The following TRMT1 variants were observed in gnomAD, a reference collection of about 807,000 sequenced individuals.
TRMT1 encodes tRNA (guanine(26)-N(2))-dimethyltransferase.
A neutral mutation model predicts 75.4 loss-of-function variants in TRMT1; 63 were observed. The ratio of observed to expected loss-of-function variants is 0.84; its 90% CI spans 0.68 to 1.03. The LOEUF is 1.03. Ranked by LOEUF, TRMT1 falls within the 50% of genes least tolerant of loss-of-function variation. The pLI is 0.00. For synonymous variants in TRMT1, 382 were observed against 358.1 expected (o/e 1.07, Z -0.75); for missense variants, 870 against 905.3 (o/e 0.96, Z 0.50).
chr19:13,109,501 T>C (rs2019037861), intron 11 of TRMT1, 35 bp from the exon 12 acceptor site: 1 of 1,613,844 alleles, frequency 6.2e-7, no homozygotes, highest in Admixed American at 1.7e-5. Flanking sequence ...TGAGTGGAGA[T>C]GGACGGGCAC....
intron 7 of TRMT1, among the ~76,000 whole-genome samples, chr19:13,111,118 A>C (rs78159064): frequency 0.034 from 5,153 of 152,224 alleles, 257 homozygotes; most frequent in African/African-American, 0.12. Flanking sequence ...ATCAAAGCTC[A>C]CAATAACTTT....
chr19:13,112,808 C>G lies in TRMT1; in HGVS notation c.767G>C (p.Cys256Ser). The change falls in exon 7 of 17, where the codon TGT becomes TCT. Residue 256 changes from cysteine (C) to serine (S), a missense_variant. Cys to Ser is a moderately radical substitution (Grantham distance 112). Coordinates refer to ENST00000357720, the MANE Select transcript of TRMT1 (RefSeq NM_001136035.4). ...CACCGCCATGTCTGTGCAGGTCACA[C>G]ACAGCAACCCTGCAGAGAGGGGCTG... ...VQAVSEGGLL[C>S]VTCTDMAVLA... 1.2e-6 allele frequency: 2 copies of G among 1,614,176 alleles called. No individual in the cohort carries two copies. The highest frequency in any genetic ancestry group is 4.5e-5 in the East Asian group (2 of 44,896).
intron 7 of TRMT1, 119 bp from the exon 8 acceptor site, chr19:13,110,425 CT>C: frequency 8.2e-7 from 1 of 1,215,902 alleles, no homozygotes; most frequent in African/African-American, 1.5e-5. Flanking sequence ...AAGCCCACCC[CT>C]GAAAGTCCTG....
At chr19:13,116,632 C>T in intron 1 of TRMT1, 21 bp downstream of exon 1, 1 of 600,970 alleles carries the variant, frequency 1.7e-6, no homozygotes, top group Admixed American at 3.2e-5. Context: ...TCCCTCCCCG[C>T]GCTGCCTAGC....
rs2018778909 is a variant in TRMT1 at position 13,104,957 on chromosome 19, G to A, written c.1958C>T (p.Ala653Val). ...GGTTCAGTCTATGCCTGGCCCAGCG[G>A]CAGCCCCAGGTCCAGGGGGGGTCTG... ...SNQTPPGPGAAAGPGID is the reference protein window; with the variant it reads ...SNQTPPGPGAVAGPGID Residue 653 changes from alanine (A) to valine (V), a missense_variant, in exon 17 of 17, where the codon GCC (alanine) becomes GTC (valine). Ala to Val is a moderately conservative substitution (Grantham distance 64, BLOSUM62 0). Transcript: ENST00000357720. The A allele has an allele frequency of 6.2e-7, 1 of 1,613,844 alleles. No homozygotes were observed. Among genetic ancestry groups the A allele is most frequent in the Non-Finnish European group, 8.5e-7 (1 of 1,179,920 alleles).
intron 14 of TRMT1, 95 bp downstream of exon 14, chr19:13,107,479 G>T: frequency 7.1e-7 from 1 of 1,399,788 alleles, no homozygotes; most frequent in Non-Finnish European, 9.9e-7. Context: ...GAATGGGCAC[G>T]AGTCTGTGTG....
In TRMT1 at chr19:13,109,807, CA is replaced by C. The variant is rs1244833672; in HGVS notation, c.1137del (p.Val380Ter). On this transcript the variant is annotated frameshift_variant, in exon 10 of 17. Transcript: ENST00000357720. LOFTEE classifies it high-confidence loss of function. The stretch of plus-strand genomic sequence containing the variant: ...CCACAGTGTTCACACTCGGGGGTCA[CA>C]GGGGGACCACAGGCTGCAGAGAACT... ...RAKFSAACGP[P>X]VTPECEHCGQ... 6 of 1,614,056 alleles carry C rather than the reference CA, an allele frequency of 3.7e-6. No individual in the cohort carries two copies. Among genetic ancestry groups the C allele is most frequent in the African/African-American group, 1.3e-5 (1 of 74,920 alleles).
rs2019054003 is a variant in TRMT1 at position 13,109,682 on chromosome 19, A to T, written c.1179T>A (p.Leu393=). 1.2e-6 allele frequency: 2 copies of T among 1,613,884 alleles called. No homozygotes were observed. Among genetic ancestry groups the T allele is most frequent in the Non-Finnish European group, 1.7e-6 (2 of 1,179,962 alleles). ...TGGGCTCTGCCCACATGGGGCCACCAAGCTGGGGGCGCACCGGGGACAGGT... is the reference window on the plus strand; with the variant it reads ...TGGGCTCTGCCCACATGGGGCCACCTAGCTGGGGGCGCACCGGGGACAGGT... ...ECEHCGQRHQ[L]GGPMWAEPIH... is the part of the protein sequence containing the mutation. The change falls in exon 11 of 17, where the codon CTT becomes CTA. Residue 393 remains leucine, a splice_region_variant and synonymous_variant. Transcript: ENST00000357720.
intron 12 of TRMT1, 49 bp downstream of exon 12, chr19:13,109,332 G>A (rs1387503761): frequency 1.9e-6 from 3 of 1,601,528 alleles, no homozygotes; most frequent in Admixed American, 1.7e-5. Context: ...CTTGCCCCAG[G>A]CCACCCTGTG....
rs2019298607 is a variant in TRMT1, at chr19:13,115,360, G to A, written c.560C>T (p.Thr187Ile). ...CCGGCGTATGAGATCCACAGCCCGG[G>A]TGGAGGCATCGTTTGCAACCACAGA... ...LRSVVANDAS[T>I]RAVDLIRRNV... The change falls in exon 5 of 17, where the codon ACC (threonine) becomes ATC (isoleucine). Residue 187 changes from threonine (T) to isoleucine (I), a missense_variant. Coordinates refer to ENST00000357720, the MANE Select transcript of TRMT1 (RefSeq NM_001136035.4). 6 of 1,614,098 alleles carry A rather than the reference G, an allele frequency of 3.7e-6. No individual in the cohort carries two copies. The highest frequency in any genetic ancestry group is 5.1e-6 in the Non-Finnish European group (6 of 1,180,038).
chr19:13,109,848 G>C lies in TRMT1; in HGVS notation c.1107-10C>G. 1 of 1,614,126 alleles carries C rather than the reference G, an allele frequency of 6.2e-7. No individual in the cohort carries two copies. Among genetic ancestry groups the C allele is most frequent in the Admixed American group, 1.7e-5 (1 of 60,020 alleles). ...TGCAGAGAACTTGGCCCTAAACAGA[G>C]AGGGGTGGTTGGTGGGGAGGGAGGA... is the stretch of plus-strand genomic sequence containing the variant. On this transcript the variant is annotated splice_polypyrimidine_tract_variant and intron_variant, in intron 9 of 16. Transcript: ENST00000357720.
Position 13,112,827 on chromosome 19 carries a change from G to C in TRMT1, c.758-10C>G. On this transcript the variant is annotated splice_polypyrimidine_tract_variant and intron_variant, in intron 6 of 16. Transcript: ENST00000357720. ...GTCACACACAGCAACCCTGCAGAGA[G>C]GGGCTGGGCAGTGAGAACCCTCCAA... 1 of 1,614,104 alleles carries C rather than the reference G, an allele frequency of 6.2e-7. No individual in the cohort carries two copies.
rs568260486 is a variant in TRMT1 at position 13,108,540 on chromosome 19, G to A, written c.1398-681C>T. Reference sequence around the variant, plus strand: ...ACTCCTGGCCTCAAGTGATTCGCCCGCCTCAGCCTCCCAAAGTGCTGGGAT... The same window carrying A: ...ACTCCTGGCCTCAAGTGATTCGCCCACCTCAGCCTCCCAAAGTGCTGGGAT... On this transcript the variant is annotated intron_variant, in intron 12 of 16. Coordinates refer to ENST00000357720, the MANE Select transcript of TRMT1 (RefSeq NM_001136035.4). Among the ~76,000 whole-genome samples, 206 of 151,754 alleles carry A rather than the reference G, an allele frequency of 1.4e-3. 2 individuals carry two copies. Among genetic ancestry groups the A allele is most frequent in the Non-Finnish European group, 1.0e-4 (7 of 67,898 alleles).
At position 13,115,727 on chromosome 19, in the gene TRMT1, C is replaced by A; in HGVS notation, c.352G>T (p.Asp118Tyr). Residue 118 changes from aspartate to tyrosine, a missense_variant, in exon 4 of 17, where the codon GAC becomes TAC. Transcript: ENST00000357720. ...TTTTCCTCCTCTTGCTCTGACAAGT[C>A]CACGACCACTTTTTGCGTGTCCTTC... Reference protein sequence around the residue: ...GEKDTQKVVVDLSEQEEEKVE... With the variant: ...GEKDTQKVVVYLSEQEEEKVE... 6.2e-7 allele frequency: 1 copy of A among 1,614,100 alleles called. No homozygotes were observed. The highest frequency in any genetic ancestry group is 8.5e-7 in the Non-Finnish European group (1 of 1,180,026).
chr19:13,108,687 G>T (rs867329910), intron 12 of TRMT1, among the ~76,000 whole-genome samples: 1 of 151,564 alleles, frequency 6.6e-6, no homozygotes, highest in Non-Finnish European at 1.5e-5. Flanking sequence ...GCTCACCACC[G>T]CCTCCTCCTC....
Position 13,113,028 on chromosome 19 carries a change from C to T in TRMT1, c.642-17G>A, listed in dbSNP as rs1451585189. On this transcript the variant is annotated splice_polypyrimidine_tract_variant and intron_variant, in intron 5 of 16. Transcript: ENST00000357720. The stretch of plus-strand genomic sequence containing the variant: ...ATCAGCATCCTGGGTGCAAAGAGGG[C>T]CAGGTCCTCAGCCTCCCACGCCAGG... 6.3e-7 allele frequency: 1 copy of T among 1,593,344 alleles called. No individual in the cohort carries two copies. Among genetic ancestry groups the T allele is most frequent in the East Asian group, 2.2e-5 (1 of 44,570 alleles).
At chr19:13,115,133 T>C (rs2019287563) in intron 5 of TRMT1, 146 bp downstream of exon 5, 1 of 855,098 alleles carries the variant, frequency 1.2e-6, no homozygotes, top group Admixed American at 3.0e-5. Flanking sequence ...CCTGTAAAAC[T>C]AATTTTCTCA....
intron 14 of TRMT1, among the ~76,000 whole-genome samples, chr19:13,106,632 CA>C (rs1263587998): frequency 1.3e-5 from 2 of 150,844 alleles, no homozygotes; most frequent in African/African-American, 4.9e-5. Flanking sequence ...TGTGCCACCA[CA>C]CCTGGCTAAT....
intron 3 of TRMT1, 59 bp from the exon 4 acceptor site, chr19:13,115,827 C>G (rs1309998490): frequency 6.2e-7 from 1 of 1,610,122 alleles, no homozygotes; most frequent in African/African-American, 1.3e-5. Flanking sequence ...AGAAACCTCC[C>G]CTTAATCTCC....
Sources: allele counts gnomAD v4.1 joint callset (sites outside exome capture counted in the v4.1 genomes callset), GRCh38; gene constraint gnomAD v4.1.1; transcripts MANE v1.5; gene names NCBI Gene and HGNC (gene_info 2026-07-23, HGNC 2026-07-21).